The following FER1L6 variants were observed in gnomAD, a reference collection of about 807,000 sequenced individuals.
FER1L6 encodes fer-1 like family member 6.
In FER1L6, 177 loss-of-function variants were observed where a neutral mutation model predicts 219.2. The ratio of observed to expected loss-of-function variants is 0.81; its 90% CI spans 0.71 to 0.91. The LOEUF (loss-of-function observed/expected upper bound fraction) is 0.91. Among genes scored for constraint, FER1L6 ranks in the 40% least tolerant of loss-of-function variants. FER1L6 has a pLI of 0.00. For missense variants in FER1L6, 2,153 were observed against 2,259.9 expected (o/e 0.95, Z 0.96); for synonymous variants, 768 against 824.3 (o/e 0.93, Z 1.17).
At position 123,980,948 on chromosome 8, in the gene FER1L6, T is replaced by G. The variant is rs1816298445; in HGVS notation, c.1410+137T>G. The G allele has an allele frequency of 1.1e-5, 8 of 705,076 alleles. No homozygotes were observed. In the Admixed American group the frequency reaches 1.7e-4, roughly 15 times the overall value. 43.7% of individuals were successfully genotyped at this position (705,076 alleles called of 1,614,324 possible). On this transcript the variant is annotated intron_variant, in intron 11 of 40. Transcript: ENST00000522917. ...AAAAATTTGTGTTGGCCCAGCCCTG[T>G]GTTCTCAGGCTGATCCTCTGCCCCC...
intron 12 of FER1L6, among the ~76,000 whole-genome samples, chr8:123,992,490 A>C (rs576878977): frequency 1.3e-5 from 2 of 152,252 alleles, no homozygotes; most frequent in South Asian, 2.1e-4. Flanking sequence ...GTTTGTGTGC[A>C]TAGAAGTATT....
intron 1 of FER1L6, among the ~76,000 whole-genome samples, chr8:123,861,299 C>T (rs1233226816): frequency 6.1e-5 from 8 of 132,182 alleles, no homozygotes; most frequent in African/African-American, 1.2e-4. Context: ...TGTAGGTATG[C>T]GGCGTTATTT....
In FER1L6 at chr8:124,003,315, C is replaced by G; in HGVS notation, c.1668C>G (p.His556Gln). 1 of 1,613,530 alleles carries G rather than the reference C, an allele frequency of 6.2e-7. No individual in the cohort carries two copies. Among genetic ancestry groups the G allele is most frequent in the South Asian group, 1.1e-5 (1 of 91,014 alleles). The change falls in exon 13 of 41, where the codon CAC (histidine) becomes CAG (glutamine). Residue 556 changes from histidine to glutamine, a missense_variant. His to Gln is a conservative substitution (Grantham distance 24). Coordinates refer to ENST00000522917, the MANE Select transcript of FER1L6 (RefSeq NM_001039112.2). ...DVPIPMASTT[H>Q]PEKPLVTEGN... ...CCATTCCTATGGCCTCCACCACTCACCCGGAGAAGCCACTGGTGACAGAAG... is the reference window on the plus strand; with the variant it reads ...CCATTCCTATGGCCTCCACCACTCAGCCGGAGAAGCCACTGGTGACAGAAG...
In FER1L6 at chr8:124,076,241, C is replaced by CTGAT; in HGVS notation, c.4136_4137insTGAT (p.Tyr1380AspfsTer17). The CTGAT allele has an allele frequency of 6.2e-7, 1 of 1,614,040 alleles. No homozygotes were observed. On this transcript the variant is annotated frameshift_variant, in exon 32 of 41. Transcript: ENST00000522917. LOFTEE classifies it high-confidence loss of function. ...GCTGATCCAGATGGCAAATCAGATC[C>CTGAT]CTACATTGTGATCAAGCTTGGCAAG...
rs149555146 is a variant in FER1L6 at position 124,034,265 on chromosome 8, A to G, written c.2287-1012A>G. ...TTTTGAGAGGTAGCAGCTAAGTGCC[A>G]TAGGTTACTCTCAGAATGATGGCCT... On this transcript the variant is annotated intron_variant, in intron 18 of 40. Transcript: ENST00000522917. Among the ~76,000 whole-genome samples the G allele has an allele frequency of 1.7e-4, 26 of 152,352 alleles. No individual in the cohort carries two copies. In the East Asian group the frequency reaches 4.0e-3, roughly 24 times the overall value.
intron 1 of FER1L6, among the ~76,000 whole-genome samples, chr8:123,907,226 C>T (rs1186616022): frequency 6.6e-6 from 1 of 152,162 alleles, no homozygotes; most frequent in Non-Finnish European, 1.5e-5. Context: ...AATAATCAGG[C>T]ACCCTAAAGA....
At chr8:124,051,653 C>T (rs1563767320) in intron 22 of FER1L6, among the ~76,000 whole-genome samples, 1 of 152,162 alleles carries the variant, frequency 6.6e-6, no homozygotes, top group African/African-American at 2.4e-5. Context: ...AAGGTAATTA[C>T]TTGCTCAATA....
Position 124,021,537 on chromosome 8 carries a change from T to C in FER1L6, c.2014-13T>C, listed in dbSNP as rs375463304. 18 of 1,613,760 alleles carry C rather than the reference T, an allele frequency of 1.1e-5. No homozygotes were observed. In the African/African-American group the frequency reaches 2.4e-4, roughly 22 times the overall value. On this transcript the variant is annotated splice_polypyrimidine_tract_variant and intron_variant, in intron 16 of 40. Transcript: ENST00000522917. Reference sequence around the variant, plus strand: ...CTCTCGAAAGACCCACACTGACTCTTGTCTTGTTTTAGGAAGCAATGTGCA... The same window carrying C: ...CTCTCGAAAGACCCACACTGACTCTCGTCTTGTTTTAGGAAGCAATGTGCA...
At chr8:124,051,395 T>C (rs533818490) in intron 22 of FER1L6, among the ~76,000 whole-genome samples, 2 of 152,338 alleles carry the variant, frequency 1.3e-5, no homozygotes, top group South Asian at 2.1e-4. Flanking sequence ...GAGAAATCTC[T>C]GATACAGGCC....
chr8:124,077,290 C>T (rs771506417), intron 32 of FER1L6, among the ~76,000 whole-genome samples: 71 of 152,314 alleles, frequency 4.7e-4, no homozygotes, highest in African/African-American at 1.6e-3. Context: ...ACATTAGCTC[C>T]CTTGCTCCCC....
At chr8:124,109,586 C>T (rs1188107517) in intron 39 of FER1L6, among the ~76,000 whole-genome samples, 1 of 152,208 alleles carries the variant, frequency 6.6e-6, no homozygotes, top group Non-Finnish European at 1.5e-5. Context: ...GTGATTTCTT[C>T]TTAACTCCTG....
chr8:123,982,535 C>T (rs888003841), intron 11 of FER1L6, among the ~76,000 whole-genome samples: 1 of 151,870 alleles, frequency 6.6e-6, no homozygotes, highest in Non-Finnish European at 1.5e-5. Context: ...CTCCTCTCTT[C>T]ATCTTGGCTT....
chr8:124,067,629 T>G (rs1820882856), intron 27 of FER1L6, 138 bp from the exon 28 acceptor site: 2 of 752,868 alleles, frequency 2.7e-6, no homozygotes, highest in African/African-American at 1.8e-5. Context: ...CGGCTTCATT[T>G]TGGGGGACTG....
chr8:124,091,390 G>GA (rs1822020974), intron 33 of FER1L6, 33 bp from the exon 34 acceptor site: 1 of 1,594,806 alleles, frequency 6.3e-7, no homozygotes. Context: ...TTTAAGTGAG[G>GA]ACCTCAAAGT....
At chr8:123,956,354 G>T (rs550707955) in intron 2 of FER1L6, among the ~76,000 whole-genome samples, 2 of 152,246 alleles carry the variant, frequency 1.3e-5, no homozygotes, top group Admixed American at 6.5e-5. Context: ...GTCCTGTGAC[G>T]TAGGATGAGT....
chr8:124,022,452 A>G (rs111875151), intron 17 of FER1L6, among the ~76,000 whole-genome samples: 70 of 152,346 alleles, frequency 4.6e-4, no homozygotes, highest in African/African-American at 1.6e-3. Context: ...CAGAAATGTG[A>G]ATTTCAAACA....
intron 22 of FER1L6, among the ~76,000 whole-genome samples, chr8:124,053,882 T>A (rs2130796356): frequency 6.6e-6 from 1 of 152,198 alleles, no homozygotes; most frequent in East Asian, 1.9e-4. Flanking sequence ...AAGGATATAA[T>A]ACCTTTGTTC....
At chr8:124,112,464 C>T (rs1395811214) in intron 39 of FER1L6, among the ~76,000 whole-genome samples, 1 of 152,196 alleles carries the variant, frequency 6.6e-6, no homozygotes, top group African/African-American at 2.4e-5. Context: ...CCATGTTCTT[C>T]GTGAAGCACA....
intron 1 of FER1L6, among the ~76,000 whole-genome samples, chr8:123,933,012 C>A (rs1813835631): frequency 6.6e-6 from 1 of 152,202 alleles, no homozygotes; most frequent in South Asian, 2.1e-4. Flanking sequence ...GCCATTCAAC[C>A]TCTGTGAGCC....
Sources: allele counts gnomAD v4.1 joint callset (sites outside exome capture counted in the v4.1 genomes callset), GRCh38; gene constraint gnomAD v4.1.1; transcripts MANE v1.5; gene names NCBI Gene and HGNC (gene_info 2026-07-23, HGNC 2026-07-21).